NSUN4: variants seen among roughly 807,000 people sequenced by gnomAD.
The protein encoded by NSUN4 is 5-cytosine rRNA methyltransferase NSUN4.
A neutral mutation model predicts 43.8 loss-of-function variants in NSUN4; 31 were observed. That is an observed-to-expected ratio of 0.71 (90% CI 0.53 to 0.96). The LOEUF (loss-of-function observed/expected upper bound fraction) is 0.96, where lower values mean the gene tolerates loss of function less well. NSUN4 is among the 40% of genes least tolerant of loss of function. The probability of loss-of-function intolerance (pLI) is 0.00; values close to 1 mark genes in which losing one functional copy is unlikely to be tolerated. For missense variants in NSUN4, 439 were observed against 475.6 expected (o/e 0.92, Z 0.72); for synonymous variants, 167 against 184.1 (o/e 0.91, Z 0.75).
chr1:46,355,315 G>T (rs1293349173), intron 4 of NSUN4, among the ~76,000 whole-genome samples: 1 of 152,178 alleles, frequency 6.6e-6, no homozygotes, highest in African/African-American at 2.4e-5. Flanking sequence ...ATGTTAGGAA[G>T]TTCTGCCTCT....
At chr1:46,358,542 C>T (rs1663567470) in intron 4 of NSUN4, among the ~76,000 whole-genome samples, 1 of 151,416 alleles carries the variant, frequency 6.6e-6, no homozygotes, top group Non-Finnish European at 1.5e-5. Context: ...GCTGGGACTA[C>T]AGGTGCGTGC....
downstream of NSUN4, among the ~76,000 whole-genome samples, chr1:46,368,238 C>T (rs1442205629): frequency 1.3e-5 from 2 of 152,100 alleles, no homozygotes; most frequent in Admixed American, 6.5e-5. Context: ...TCTCATGCCA[C>T]CCCTTATCTG....
downstream of NSUN4, among the ~76,000 whole-genome samples, chr1:46,367,107 A>G (rs906372173): frequency 9.9e-5 from 15 of 152,178 alleles, no homozygotes; most frequent in Non-Finnish European, 1.5e-4. Flanking sequence ...TTTGGATTAG[A>G]AGATCTCAGA....
intron 3 of NSUN4, among the ~76,000 whole-genome samples, chr1:46,349,851 G>A (rs1056634829): frequency 6.6e-6 from 1 of 152,200 alleles, no homozygotes; most frequent in Non-Finnish European, 1.5e-5. Flanking sequence ...AGGGAGATGA[G>A]TAAGGGTAGG....
At chr1:46,384,269 G>A in the NSUN4 span, among the ~76,000 whole-genome samples, 1 of 152,206 alleles carries the variant, frequency 6.6e-6, no homozygotes, top group Non-Finnish European at 1.5e-5. Flanking sequence ...CCCTCCTCTT[G>A]AATTTCCTTG....
the NSUN4 span, among the ~76,000 whole-genome samples, chr1:46,379,667 G>A: frequency 1.3e-5 from 2 of 152,110 alleles, no homozygotes; most frequent in African/African-American, 4.8e-5. Flanking sequence ...TTGAGAATGG[G>A]TAATTTATAA....
At chr1:46,368,615 C>A (rs148391035), downstream of NSUN4, among the ~76,000 whole-genome samples, 2 of 152,072 alleles carry the variant, frequency 1.3e-5, no homozygotes, top group Admixed American at 6.6e-5. Context: ...TCGCTGACCT[C>A]CAGAATCATG....
chr1:46,351,700 T>G (rs1040617908), intron 3 of NSUN4, among the ~76,000 whole-genome samples: 27 of 137,452 alleles, frequency 2.0e-4, no homozygotes, highest in Admixed American at 4.0e-4. Flanking sequence ...AGCCTTGCTC[T>G]GTCGCCCAGG....
chr1:46,342,899 T>C, intron 1 of NSUN4: 1 of 400,042 alleles, frequency 2.5e-6, no homozygotes, highest in Non-Finnish European at 4.4e-6. Context: ...CCTGCCTCTC[T>C]GGTCCTTCTT....
At chr1:46,358,988 TG>T (rs1397655911) in intron 4 of NSUN4, among the ~76,000 whole-genome samples, 1 of 152,074 alleles carries the variant, frequency 6.6e-6, no homozygotes, top group African/African-American at 2.4e-5. Context: ...CCAGGCATGA[TG>T]GCTCATGCCT....
At chr1:46,360,246 AAAAATATAT>A (rs1157335363) in intron 4 of NSUN4, among the ~76,000 whole-genome samples, 27 of 28,632 alleles carry the variant, frequency 9.4e-4, no homozygotes, top group African/African-American at 2.5e-3. Context: ...AAAAAAAAAA[AAAAATATAT>A]ATATATATAT....
At chr1:46,344,665 C>A in intron 1 of NSUN4, 136 bp from the exon 2 acceptor site, 1 of 715,176 alleles carries the variant, frequency 1.4e-6, no homozygotes, top group African/African-American at 1.8e-5. Flanking sequence ...ACTTCTCTGG[C>A]AGGCAGGCAG....
chr1:46,371,604 C>G, the NSUN4 span, among the ~76,000 whole-genome samples: 5 of 152,186 alleles, frequency 3.3e-5, no homozygotes, highest in South Asian at 1.0e-3. Flanking sequence ...CCGTGCTCAG[C>G]CTAATTTTTG....
the NSUN4 span, among the ~76,000 whole-genome samples, chr1:46,376,963 G>T: frequency 2.6e-5 from 4 of 151,836 alleles, no homozygotes; most frequent in African/African-American, 9.7e-5. Flanking sequence ...TCACCATGTT[G>T]GCTATACTGA....
chr1:46,348,171 C>T (rs1397804218), intron 3 of NSUN4, among the ~76,000 whole-genome samples: 2 of 152,106 alleles, frequency 1.3e-5, no homozygotes, highest in South Asian at 2.1e-4. Flanking sequence ...TGAGCCACCG[C>T]GCCCGGCCCC....
chr1:46,378,187 T>C, the NSUN4 span, among the ~76,000 whole-genome samples: 3 of 147,784 alleles, frequency 2.0e-5, no homozygotes, highest in Admixed American at 7.0e-5. Context: ...CTACCATGCC[T>C]GGCCATAGCA....
At chr1:46,345,450 C>T (rs1002052627) in intron 2 of NSUN4, 2 of 287,082 alleles carry the variant, frequency 7.0e-6, no homozygotes, top group African/African-American at 4.4e-5. Flanking sequence ...TATTTAGACC[C>T]AGAACCTGCA....
chr1:46,348,666 G>A (rs1662706071), intron 3 of NSUN4, among the ~76,000 whole-genome samples: 2 of 126,636 alleles, frequency 1.6e-5, no homozygotes, highest in South Asian at 5.4e-4. Context: ...CTGAGATCAC[G>A]CCATTGCACT....
chr1:46,355,242 A>G (rs938546303), intron 4 of NSUN4, among the ~76,000 whole-genome samples: 1 of 152,198 alleles, frequency 6.6e-6, no homozygotes, highest in African/African-American at 2.4e-5. Flanking sequence ...ATCATTATTC[A>G]GCCTATGCTT....
Sources: allele counts gnomAD v4.1 joint callset (sites outside exome capture counted in the v4.1 genomes callset), GRCh38; gene constraint gnomAD v4.1.1; transcripts MANE v1.5; gene names NCBI Gene and HGNC (gene_info 2026-07-23, HGNC 2026-07-21).